Variants in STRC observed in about 807,000 individuals in gnomAD.
STRC encodes stereocilin.
A neutral mutation model predicts 103.5 loss-of-function variants in STRC; 43 were observed. The observed-to-expected ratio is 0.42, with a 90% CI of 0.33 to 0.54. The LOEUF is 0.54. STRC is among the 20% of genes least tolerant of loss of function. The pLI, the probability that STRC is intolerant of heterozygous loss-of-function variation, is 0.14. For missense variants in STRC, 499 were observed against 1,088.5 expected, an observed-to-expected ratio of 0.46 and a Z score of 7.62; for synonymous variants, 186 against 442.3, an observed-to-expected ratio of 0.42 and a Z score of 7.27.
Position 43,604,110 on chromosome 15 carries a change from G to A in STRC, c.4261C>T (p.Gln1421Ter). 1 of 1,612,570 alleles carries A rather than the reference G, an allele frequency of 6.2e-7. No homozygotes were observed. The stretch of plus-strand genomic sequence containing the variant: ...ACTCTGCTCTGCTCCCAGCTCTGCT[G>A]CTTTTCTAGAAGCCGCTCCAGGGTC... ...PETLERLLEKQQSWEQSRVGQ... is the reference protein window; with the variant it reads ...PETLERLLEK The change falls in exon 22 of 29, where the codon CAG becomes TAG. Residue 1421 changes from glutamine (Q) to a stop codon, truncating the protein, a stop_gained. Coordinates refer to ENST00000450892, the MANE Select transcript of STRC (RefSeq NM_153700.2). LOFTEE classifies it high-confidence loss of function.
At chr15:43,601,637 AG>A (rs2085669977) in intron 23 of STRC, 86 bp from the exon 24 acceptor site, 3 of 1,407,564 alleles carry the variant, frequency 2.1e-6, no homozygotes, top group Admixed American at 3.5e-5. Context: ...CTCTGCCCTT[AG>A]CTGTATAACT....
chr15:43,601,117 A>T, intron 24 of STRC, 103 bp from the exon 25 acceptor site: 1 of 942,892 alleles, frequency 1.1e-6, no homozygotes, highest in Non-Finnish European at 1.6e-6. Context: ...TACTATTAAG[A>T]CCTAAGGAGT....
chr15:43,601,700 C>T (rs887616424), intron 23 of STRC, 149 bp from the exon 24 acceptor site: 29 of 798,030 alleles, frequency 3.6e-5, no homozygotes, highest in African/African-American at 1.4e-4. Flanking sequence ...AAAATGAGAC[C>T]GTTGCCTTAC....
intron 24 of STRC, 141 bp downstream of exon 24, chr15:43,601,255 T>C (rs2085665093): frequency 7.5e-7 from 1 of 1,331,206 alleles, no homozygotes. Context: ...TGAAGGTCAC[T>C]AGTATGGGGT....
chr15:43,605,424 A>T, intron 18 of STRC, 25 bp from the exon 19 acceptor site: 2 of 1,589,596 alleles, frequency 1.3e-6, no homozygotes, highest in Non-Finnish European at 1.7e-6. Context: ...TGACAACAAC[A>T]GGATTCAGGT....
At chr15:43,614,531 A>T in intron 4 of STRC, 55 bp from the exon 5 acceptor site, 1 of 987,424 alleles carries the variant, frequency 1.0e-6, no homozygotes, top group Non-Finnish European at 1.4e-6. Context: ...TCTCTCCTGC[A>T]GCTCCCCCAG....
chr15:43,601,790 C>A, intron 23 of STRC: 1 of 512,630 alleles, frequency 2.0e-6, no homozygotes, highest in South Asian at 2.0e-5. Context: ...GAGTTCCACA[C>A]TTTTATGTGC....
At chr15:43,602,526 G>A (rs774537332) in intron 23 of STRC, 1 of 152,034 alleles carries the variant, frequency 6.6e-6, no homozygotes, top group Non-Finnish European at 1.5e-5. Flanking sequence ...TGGTAATCTG[G>A]CACTGGCACT....
intron 18 of STRC, among the ~76,000 whole-genome samples, chr15:43,607,070 C>T (rs1432380174): frequency 6.7e-6 from 1 of 148,788 alleles, no homozygotes; most frequent in Non-Finnish European, 1.5e-5. Flanking sequence ...ACTTCAGCTC[C>T]ATATTCCCCA....
At position 43,601,495 on chromosome 15, in the gene STRC, G is replaced by A. The variant is rs143487165; in HGVS notation, c.4602C>T (p.Leu1534=). 1 of 1,613,808 alleles carries A rather than the reference G, an allele frequency of 6.2e-7. No homozygotes were observed. Among genetic ancestry groups the A allele is most frequent in the Non-Finnish European group, 8.5e-7 (1 of 1,179,872 alleles). ...RPEQILQLGR[L]LIGLGDRELQ... is the part of the protein sequence containing the mutation. ...GTTCCCGATCTCCTAGACCTATTAA[G>A]AGCCTACCAAGCTGCAGGATCTGCT... Residue 1534 remains leucine, a synonymous_variant, in exon 24 of 29, where the codon CTC becomes CTT. Transcript: ENST00000450892.
rs751903876 is a variant in STRC, at chr15:43,600,831, T to A, written c.4844+41A>T. ...TCCTTCTTTCCCCAGTAAGTCCACC[T>A]TTACCTCAGCACCACCACCCTCAGC... On this transcript the variant is annotated intron_variant, in intron 25 of 28. Coordinates refer to ENST00000450892, the MANE Select transcript of STRC (RefSeq NM_153700.2). 34 of 1,613,512 alleles carry A rather than the reference T, an allele frequency of 2.1e-5. 2 individuals are homozygous for A. Among genetic ancestry groups the A allele is most frequent in the Middle Eastern group, 1.6e-4 (1 of 6,078 alleles).
At position 43,600,076 on chromosome 15, in the gene STRC, A is replaced by G; in HGVS notation, c.5123T>C (p.Leu1708Pro). Reference protein sequence around the residue: ...VVFSPIQLSSLTSAQAVAVTP... With the variant: ...VVFSPIQLSSPTSAQAVAVTP... ...GACAGCCACAGCCTGAGCACTGGTG[A>G]GACTAGATAGTTGGATGGGACTAAA... Residue 1708 changes from leucine to proline, a missense_variant, in exon 28 of 29, where the codon CTC becomes CCC. By Grantham distance (98) the Leu-to-Pro change is moderately conservative. Transcript: ENST00000450892. The G allele has an allele frequency of 6.2e-7, 1 of 1,613,060 alleles. No homozygotes were observed. Among genetic ancestry groups the G allele is most frequent in the Non-Finnish European group, 8.5e-7 (1 of 1,179,588 alleles).
Position 43,603,366 on chromosome 15 carries a change from G to C in STRC, c.4421C>G (p.Ala1474Gly). The C allele has an allele frequency of 6.2e-7, 1 of 1,613,802 alleles. No individual in the cohort carries two copies. The highest frequency in any genetic ancestry group is 8.5e-7 in the Non-Finnish European group (1 of 1,179,876). Residue 1474 changes from alanine (A) to glycine (G), a missense_variant, in exon 23 of 29, where the codon GCC (alanine) becomes GGC (glycine). Ala to Gly is a moderately conservative substitution (Grantham distance 60). Transcript: ENST00000450892. ...CADVRGTFPA[A>G]WSATQIAEME... is the part of the protein sequence containing the mutation. ...CTCTGCAATCTGGGTTGCAGACCAGGCTGCTGGGAATGTCCCTCGTACATC... is the reference window on the plus strand; with the variant it reads ...CTCTGCAATCTGGGTTGCAGACCAGCCTGCTGGGAATGTCCCTCGTACATC...
rs763904943 is a variant in STRC at position 43,601,533 on chromosome 15, C to A, written c.4564G>T (p.Gly1522Ter). Residue 1522 changes from glycine to a stop codon, truncating the protein, a stop_gained, in exon 24 of 29, where the codon GGA (glycine) becomes TGA (stop). Transcript: ENST00000450892. LOFTEE classifies it high-confidence loss of function. ...TGCAGGATCTGCTCAGGACGAAATC[C>A]CCGGGGGGGACCCCACAACTAGGAG... ...KAKQLWGPPR[G>*]FRPEQILQLG... is the part of the protein sequence containing the mutation. 1 of 1,613,698 alleles carries A rather than the reference C, an allele frequency of 6.2e-7. No individual in the cohort carries two copies. The highest frequency in any genetic ancestry group is 1.3e-5 in the African/African-American group (1 of 74,852).
intron 13 of STRC, 32 bp downstream of exon 13, chr15:43,611,116 T>C (rs1238459162): frequency 4.1e-6 from 6 of 1,475,128 alleles, no homozygotes; most frequent in Admixed American, 1.9e-5. Flanking sequence ...CCGGTATCCC[T>C]GATTATCTCA....
At chr15:43,602,181 G>A (rs1001295559) in intron 23 of STRC, among the ~76,000 whole-genome samples, 4 of 150,294 alleles carry the variant, frequency 2.7e-5, no homozygotes, top group African/African-American at 9.8e-5. Context: ...TCCCCCAGAG[G>A]CTTATTTTTT....
In STRC at chr15:43,617,755, CA is replaced by C; in HGVS notation, c.665del (p.Leu222CysfsTer8). The C allele has an allele frequency of 2.1e-6, 3 of 1,435,018 alleles. No individual in the cohort carries two copies. The highest frequency in any genetic ancestry group is 2.9e-6 in the Non-Finnish European group (3 of 1,039,810). 88.9% of individuals were successfully genotyped at this position (1,435,018 alleles called of 1,614,324 possible). A position where few individuals can be genotyped will look rare whatever the true frequency, so the allele number is the denominator to read the frequency against. On this transcript the variant is annotated frameshift_variant, in exon 2 of 29. Transcript: ENST00000450892. LOFTEE classifies it high-confidence loss of function. Reference protein sequence around the residue: ...APHFLQGLLGLLTPTGELGSK... With the variant: ...APHFLQGLLGXLTPTGELGSK... ...AGCCTAGCTCCCCTGTTGGGGTAAG[CA>C]AACCCAACAGACCCTGCAAAAAGTG...
intron 22 of STRC, 157 bp from the exon 23 acceptor site, chr15:43,603,568 GGA>G (rs2085689772): frequency 1.2e-6 from 1 of 823,250 alleles, no homozygotes; most frequent in South Asian, 1.4e-5. Flanking sequence ...ATAGGGCTTA[GGA>G]GATAATAGAA....
intron 22 of STRC, 140 bp downstream of exon 22, chr15:43,603,856 G>C: frequency 6.8e-7 from 1 of 1,479,576 alleles, no homozygotes; most frequent in Non-Finnish European, 9.1e-7. Flanking sequence ...AGAACTACAA[G>C]AGGCTTGAAG....
Sources: gnomAD v4.1 joint callset for allele counts (sites outside exome capture counted in the v4.1 genomes callset) on GRCh38, gnomAD v4.1.1 for gene constraint, MANE v1.5 for transcripts, NCBI Gene and HGNC (gene_info 2026-07-23, HGNC 2026-07-21) for gene names.